The following BSDC1 variants were observed in gnomAD, a reference collection of about 807,000 sequenced individuals.
BSDC1 encodes the protein BSD domain containing 1.
Under a neutral mutation model 56.0 loss-of-function variants are expected in BSDC1, and 29 were observed. The observed-to-expected ratio is 0.52, with a 90% CI of 0.39 to 0.71. The LOEUF (loss-of-function observed/expected upper bound fraction) is 0.71. Ranked by LOEUF, BSDC1 falls within the 30% of genes least tolerant of loss-of-function variation. BSDC1 has a pLI of 0.00. For missense variants in BSDC1, 477 were observed against 548.5 expected (o/e 0.87, Z 1.30); for synonymous variants, 210 against 215.3 (o/e 0.98, Z 0.21).
rs1172823334 is a variant in BSDC1 at position 32,366,565 on chromosome 1, G to C, written c.*57C>G. 7 of 1,440,928 alleles carry C rather than the reference G, an allele frequency of 4.9e-6. No homozygotes were observed. In the East Asian group the frequency reaches 1.5e-4, roughly 31 times the overall value. 89.3% of individuals were successfully genotyped at this position (1,440,928 alleles called of 1,614,324 possible). ...TCTCAGTCTTCCAGGGCTGGGCTGA[G>C]ACGAGCGAGGGAGGCGAGAGATGCC... On this transcript the variant is annotated 3_prime_UTR_variant, in exon 11 of 11. Transcript: ENST00000455895.
chr1:32,376,356 T>G lies in BSDC1; in HGVS notation c.1062A>C (p.Val354=). ...TGGGCGCCTCCTCCCTCAGAGTCTC[T>G]ACTCTGGCTGGAGGCCTGGGCTCTG... ...GGPEPRPPAR[V]ETLREEAPTD... Residue 354 remains valine, a synonymous_variant, in exon 9 of 11, where the codon GTA becomes GTC. Coordinates refer to ENST00000455895, the MANE Select transcript of BSDC1 (RefSeq NM_018045.8). The G allele has an allele frequency of 6.2e-7, 1 of 1,613,014 alleles. No homozygotes were observed. Among genetic ancestry groups the G allele is most frequent in the Non-Finnish European group, 8.5e-7 (1 of 1,179,152 alleles).
chr1:32,378,328 G>A lies in BSDC1; in HGVS notation c.529-45C>T. 6.4e-7 allele frequency: 1 copy of A among 1,573,894 alleles called. No individual in the cohort carries two copies. The highest frequency in any genetic ancestry group is 8.7e-7 in the Non-Finnish European group (1 of 1,143,822). ...GAGGTGAGACTTTGGGAGTGTTTGTGTGGGGTCTGTGTCCCCAGCCTTATC... is the reference window on the plus strand; with the variant it reads ...GAGGTGAGACTTTGGGAGTGTTTGTATGGGGTCTGTGTCCCCAGCCTTATC... On this transcript the variant is annotated intron_variant, in intron 6 of 10. Coordinates refer to ENST00000455895, the MANE Select transcript of BSDC1 (RefSeq NM_018045.8). This position sits in a 1 kb window ranked among gnomAD's most constrained non-coding sequence, Gnocchi z 5.2.
Position 32,386,805 on chromosome 1 carries a change from C to A in BSDC1, c.163G>T (p.Ala55Ser). Residue 55 changes from alanine to serine, a missense_variant, in exon 3 of 11, where the codon GCC becomes TCC. Coordinates refer to ENST00000455895, the MANE Select transcript of BSDC1 (RefSeq NM_018045.8). ...GCCAGCTTCTCCTTGACCACGCTGG[C>A]CGTGGCTGCGATGGTACAGGCCGTG... is the stretch of plus-strand genomic sequence containing the variant. ...HDTACTIAAT[A>S]SVVKEKLATE... 6.2e-7 allele frequency: 1 copy of A among 1,612,726 alleles called. No individual in the cohort carries two copies. Among genetic ancestry groups the A allele is most frequent in the African/African-American group, 1.3e-5 (1 of 74,986 alleles).
intron 2 of BSDC1, among the ~76,000 whole-genome samples, chr1:32,388,957 CTTTTT>C (rs756507594): frequency 7.1e-6 from 1 of 141,272 alleles, no homozygotes; most frequent in Admixed American, 7.1e-5. Flanking sequence ...TCTTTTTTTT[CTTTTT>C]TTTTTTTTTT....
chr1:32,376,307 T>G lies in BSDC1; in HGVS notation c.1111A>C (p.Asn371His), dbSNP rs778550453. 3 of 1,582,896 alleles carry G rather than the reference T, an allele frequency of 1.9e-6. No homozygotes were observed. In the South Asian group the frequency reaches 3.4e-5, roughly 18 times the overall value. Residue 371 changes from asparagine to histidine, a missense_variant, in exon 9 of 11, where the codon AAC (asparagine) becomes CAC (histidine). Physicochemically the swap from Asn to His is moderately conservative, Grantham distance 68 (BLOSUM62 1). Coordinates refer to ENST00000455895, the MANE Select transcript of BSDC1 (RefSeq NM_018045.8). Reference protein sequence around the residue: ...APTDLRVFELNSDSGKSTPSN... With the variant: ...APTDLRVFELHSDSGKSTPSN... Reference sequence around the variant, plus strand: ...GGTGTAGACTTCCCACTATCCGAGTTCAGCTCAAACACCCGTAAGTCTGTG... The same window carrying G: ...GGTGTAGACTTCCCACTATCCGAGTGCAGCTCAAACACCCGTAAGTCTGTG...
chr1:32,377,336 T>C (rs750522710), intron 8 of BSDC1, among the ~76,000 whole-genome samples: 3 of 152,194 alleles, frequency 2.0e-5, no homozygotes, highest in Admixed American at 6.5e-5. Context: ...GGGTTCAGGT[T>C]GGACTCTGCT....
chr1:32,370,579 G>A (rs1347712854), intron 9 of BSDC1, among the ~76,000 whole-genome samples: 1 of 151,742 alleles, frequency 6.6e-6, no homozygotes, highest in Non-Finnish European at 1.5e-5. Flanking sequence ...CGAGACAGGT[G>A]GATCACGAGG....
At chr1:32,377,034 G>T (rs1642315938) in intron 8 of BSDC1, among the ~76,000 whole-genome samples, 1 of 152,152 alleles carries the variant, frequency 6.6e-6, no homozygotes, top group African/African-American at 2.4e-5. Flanking sequence ...TACTTGGGAG[G>T]CTGAGGCAGG....
intron 2 of BSDC1, among the ~76,000 whole-genome samples, chr1:32,390,954 A>G (rs1642845624): frequency 6.6e-6 from 1 of 151,984 alleles, no homozygotes; most frequent in Admixed American, 6.6e-5. Flanking sequence ...CAAAAGGTCT[A>G]AGAGTCGCCC....
In BSDC1 at chr1:32,378,815, C is replaced by T; in HGVS notation, c.437G>A (p.Trp146Ter). The T allele has an allele frequency of 6.5e-7, 1 of 1,535,992 alleles. No homozygotes were observed. Among genetic ancestry groups the T allele is most frequent in the Non-Finnish European group, 8.8e-7 (1 of 1,140,010 alleles). The part of the protein sequence containing the change: ...PDGPPELFDA[W>*]LSQFCLEEKK... ...CTCCTCCAAGCAGAACTGGGAAAGC[C>T]AGGCGTCAAACAATTCCGGGGGCCC... is the stretch of plus-strand genomic sequence containing the variant. Residue 146 changes from tryptophan to a stop codon, truncating the protein, a stop_gained, in exon 6 of 11, where the codon TGG becomes TAG. Transcript: ENST00000455895. LOFTEE classifies it high-confidence loss of function. The surrounding 1 kb of genome is among the most constrained non-coding windows in gnomAD (Gnocchi z 5.2).
intron 4 of BSDC1, 144 bp downstream of exon 4, chr1:32,383,686 A>T: frequency 1.5e-6 from 1 of 654,210 alleles, no homozygotes; most frequent in Non-Finnish European, 2.6e-6. Context: ...GTCCTTGCTT[A>T]CTGGTATTTT....
chr1:32,381,785 A>G (rs374898615), intron 4 of BSDC1, among the ~76,000 whole-genome samples: 30 of 152,362 alleles, frequency 2.0e-4, no homozygotes, highest in South Asian at 8.3e-4. Flanking sequence ...AGCATGGGCT[A>G]TGTGTAAGCG....
chr1:32,375,100 C>T (rs142498468), intron 9 of BSDC1, among the ~76,000 whole-genome samples: 15 of 151,902 alleles, frequency 9.9e-5, no homozygotes, highest in African/African-American at 3.1e-4. Context: ...TGCAGTGAGC[C>T]GAGATCGCGC....
rs920050212 is a variant in BSDC1, at chr1:32,378,996, G to A, written c.413-157C>T. Among the ~76,000 whole-genome samples, 5 of 152,136 alleles carry A rather than the reference G, an allele frequency of 3.3e-5. No homozygotes were observed. Among genetic ancestry groups the A allele is most frequent in the Admixed American group, 6.5e-5 (1 of 15,272 alleles). ...AGGGGGTCAGGCAGGGTGAAGGGGC[G>A]GGTGCCGCACCTGAGTGATCTCCAG... On this transcript the variant is annotated intron_variant, in intron 5 of 10. Transcript: ENST00000455895. This position sits in a 1 kb window ranked among gnomAD's most constrained non-coding sequence, Gnocchi z 5.2.
rs201967424 is a variant in BSDC1 at position 32,386,892 on chromosome 1, A to T, written c.76T>A (p.Ser26Thr). 12 of 1,611,976 alleles carry T rather than the reference A, an allele frequency of 7.4e-6. No individual in the cohort carries two copies. The East Asian group carries it at 2.7e-4, about 36-fold the overall frequency. Residue 26 changes from serine to threonine, a missense_variant, in exon 3 of 11, where the codon TCT becomes ACT. By Grantham distance (58) the Ser-to-Thr change is moderately conservative. Coordinates refer to ENST00000455895, the MANE Select transcript of BSDC1 (RefSeq NM_018045.8). ...QSYQAVKEKS[S>T]EALEFMKRDL... is the part of the protein sequence containing the mutation. ...CGCTTCATAAACTCCAAGGCTTCAG[A>T]GGACTGTGGGAAGACAGAGAGGGAT...
chr1:32,369,544 A>G (rs975885499), intron 9 of BSDC1, among the ~76,000 whole-genome samples: 2 of 152,090 alleles, frequency 1.3e-5, no homozygotes, highest in African/African-American at 4.8e-5. Flanking sequence ...ACCCCCAAAC[A>G]GTAGACCTCT....
rs756562341 is a variant in BSDC1 at position 32,386,858 on chromosome 1, G to A, written c.110C>T (p.Thr37Met). 38 of 1,612,268 alleles carry A rather than the reference G, an allele frequency of 2.4e-5. No individual in the cohort carries two copies. Among genetic ancestry groups the A allele is most frequent in the South Asian group, 2.0e-4 (18 of 91,004 alleles). ...EALEFMKRDL[T>M]EFTQVVQHDT... is the part of the protein sequence containing the mutation. Reference sequence around the variant, plus strand: ...ATGCTGCACCACCTGGGTAAACTCCGTCAGGTCCCGCTTCATAAACTCCAA... The same window carrying A: ...ATGCTGCACCACCTGGGTAAACTCCATCAGGTCCCGCTTCATAAACTCCAA... Residue 37 changes from threonine to methionine, a missense_variant, in exon 3 of 11, where the codon ACG becomes ATG. Coordinates refer to ENST00000455895, the MANE Select transcript of BSDC1 (RefSeq NM_018045.8).
At chr1:32,392,831 A>C (rs1299729081) in intron 2 of BSDC1, among the ~76,000 whole-genome samples, 2 of 152,220 alleles carry the variant, frequency 1.3e-5, no homozygotes, top group African/African-American at 4.8e-5. Flanking sequence ...TGGGAAGCTG[A>C]GGCAGGTGGC....
chr1:32,390,745 T>C (rs1285164274), intron 2 of BSDC1, among the ~76,000 whole-genome samples: 3 of 152,004 alleles, frequency 2.0e-5, no homozygotes, highest in African/African-American at 4.8e-5. Context: ...ATCTCATCTC[T>C]ACAAAAAATA....
Sources: gnomAD v4.1 joint callset for allele counts (sites outside exome capture counted in the v4.1 genomes callset) on GRCh38, gnomAD v4.1.1 for gene constraint, Gnocchi (gnomAD v3.1) non-coding constraint, MANE v1.5 for transcripts, NCBI Gene and HGNC (gene_info 2026-07-23, HGNC 2026-07-21) for gene names.